Variants in NTRK3 observed in about 807,000 individuals in gnomAD.
The protein encoded by NTRK3 is neurotrophic receptor tyrosine kinase 3.
NTRK3 carries 24 observed loss-of-function variants against 91.7 expected under a neutral mutation model. That is an observed-to-expected ratio of 0.26 (90% CI 0.19 to 0.37). NTRK3 has a LOEUF of 0.37. Ranked by LOEUF, NTRK3 falls within the 10% of genes least tolerant of loss-of-function variation. NTRK3 has a pLI of 1.00. For missense variants in NTRK3, 880 were observed against 1,068.9 expected, an observed-to-expected ratio of 0.82 and a Z score of 2.46; for synonymous variants, 483 against 404.0, an observed-to-expected ratio of 1.20 and a Z score of -2.34.
At chr15:88,084,119 G>C (rs1446126841) in intron 13 of NTRK3, among the ~76,000 whole-genome samples, 1 of 150,856 alleles carries the variant, frequency 6.6e-6, no homozygotes, top group Non-Finnish European at 1.5e-5. Context: ...TAAAACTCTG[G>C]GGTTTTTTTC....
At chr15:88,201,223 C>A (rs1038342479) in intron 3 of NTRK3, among the ~76,000 whole-genome samples, 1 of 152,184 alleles carries the variant, frequency 6.6e-6, no homozygotes, top group African/African-American at 2.4e-5. Context: ...CTCTGGGGAC[C>A]AGCCCAGCAG....
chr15:88,148,945 C>T (rs546983192), intron 5 of NTRK3, among the ~76,000 whole-genome samples: 3 of 152,240 alleles, frequency 2.0e-5, no homozygotes, highest in African/African-American at 7.2e-5. Context: ...ATGGTGACAT[C>T]ATTGAGTAGA....
intron 17 of NTRK3, among the ~76,000 whole-genome samples, chr15:87,922,996 C>A (rs577608160): frequency 5.7e-4 from 86 of 152,134 alleles, no homozygotes; most frequent in Non-Finnish European, 1.2e-3. Context: ...GCATGGGACA[C>A]CAAGAGTTTG....
rs750131198 is a variant in NTRK3, at chr15:88,233,140, G to A, written c.248+22766C>T. On this transcript the variant is annotated intron_variant, in intron 3 of 18. Transcript: ENST00000394480. This position sits in a 1 kb window ranked among gnomAD's most constrained non-coding sequence, Gnocchi z 4.2. The stretch of plus-strand genomic sequence containing the variant: ...TAATGGGGCAGAGAGAATCTATTTC[G>A]GAGCCACCCCAGGCTATTTTCCTCT... Among the ~76,000 whole-genome samples, 11 of 152,130 alleles carry A rather than the reference G, an allele frequency of 7.2e-5. No homozygotes were observed. The highest frequency in any genetic ancestry group is 3.3e-4 in the Admixed American group (5 of 15,272).
At chr15:87,932,488 C>A (rs1269241399) in intron 16 of NTRK3, among the ~76,000 whole-genome samples, 1 of 152,154 alleles carries the variant, frequency 6.6e-6, no homozygotes, top group Non-Finnish European at 1.5e-5. Flanking sequence ...TAGAATTAGC[C>A]TGAAGAAAAT....
At chr15:87,912,931 A>AAAAAAAATAT (rs1484111389) in intron 17 of NTRK3, among the ~76,000 whole-genome samples, 1 of 36,502 alleles carries the variant, frequency 2.7e-5, no homozygotes, top group Non-Finnish European at 4.7e-5. Flanking sequence ...AGTAAAAAAA[A>AAAAAAAATAT]ATATATATAT....
intron 17 of NTRK3, among the ~76,000 whole-genome samples, chr15:87,906,795 C>T (rs1458357129): frequency 1.3e-5 from 2 of 152,142 alleles, no homozygotes; most frequent in Non-Finnish European, 2.9e-5. Context: ...ATTACTACCA[C>T]CAAGTACTTC....
intron 13 of NTRK3, among the ~76,000 whole-genome samples, chr15:88,053,626 C>T (rs531263563): frequency 1.3e-5 from 2 of 152,278 alleles, no homozygotes; most frequent in Admixed American, 1.3e-4. Flanking sequence ...TATTTGCCCT[C>T]GCTCTGCCTC....
chr15:87,916,494 C>A (rs778254221), intron 17 of NTRK3: 2 of 701,834 alleles, frequency 2.8e-6, no homozygotes, highest in Non-Finnish European at 5.2e-6. Flanking sequence ...TTCAACGTCT[C>A]AGAATTTTCT....
chr15:88,143,180 G>A (rs1006778138), intron 6 of NTRK3, among the ~76,000 whole-genome samples: 2 of 152,206 alleles, frequency 1.3e-5, no homozygotes, highest in African/African-American at 4.8e-5. Context: ...CCAAGATCAT[G>A]CCTCTGCACT....
intron 11 of NTRK3, among the ~76,000 whole-genome samples, chr15:88,128,500 T>A (rs545806474): frequency 6.6e-6 from 1 of 152,242 alleles, no homozygotes; most frequent in East Asian, 1.9e-4. Context: ...TGGGGGATAG[T>A]GAACCACAGA....
intron 14 of NTRK3, among the ~76,000 whole-genome samples, chr15:87,977,133 C>A (rs1414214397): frequency 6.6e-6 from 1 of 152,210 alleles, no homozygotes; most frequent in Non-Finnish European, 1.5e-5. Flanking sequence ...GCCTCTAATT[C>A]TTTCTCAATA....
At chr15:88,212,700 T>TCACACACACACACACA (rs60620542) in intron 3 of NTRK3, among the ~76,000 whole-genome samples, 3 of 146,226 alleles carry the variant, frequency 2.1e-5, no homozygotes, top group African/African-American at 7.8e-5. Flanking sequence ...GGCTGCTGCA[T>TCACACACACACACACA]CACACACACA....
At chr15:88,176,124 T>C (rs2045968225) in intron 5 of NTRK3, among the ~76,000 whole-genome samples, 2 of 150,542 alleles carry the variant, frequency 1.3e-5, no homozygotes, top group South Asian at 4.2e-4. Context: ...AATATTTGCC[T>C]ATATGCCCCT....
In NTRK3 at chr15:88,243,536, GCACACA is replaced by G. The variant is rs4034771; in HGVS notation, c.248+12364_248+12369del. Among the ~76,000 whole-genome samples, 622 of 145,268 alleles carry G rather than the reference GCACACA, an allele frequency of 4.3e-3. 2 individuals carry two copies. Among genetic ancestry groups the G allele is most frequent in the African/African-American group, 0.013 (485 of 38,452 alleles). On this transcript the variant is annotated intron_variant, in intron 3 of 18. Transcript: ENST00000394480. This position sits in a 1 kb window ranked among gnomAD's most constrained non-coding sequence, Gnocchi z 4.8. ...CACTTGATCCCATCCCCCATAGCAT[GCACACA>G]CACACACACACACACACACACACAC...
chr15:88,053,715 A>T (rs1481603861), intron 13 of NTRK3, among the ~76,000 whole-genome samples: 1 of 152,230 alleles, frequency 6.6e-6, no homozygotes, highest in African/African-American at 2.4e-5. Context: ...GATTTAAATG[A>T]AGAAATATGT....
chr15:88,248,243 G>C (rs1426804857), intron 3 of NTRK3, among the ~76,000 whole-genome samples: 1 of 152,168 alleles, frequency 6.6e-6, no homozygotes, highest in Non-Finnish European at 1.5e-5. Flanking sequence ...TGGGAAGAGG[G>C]TGTGGCTGAG....
rs183369847 is a variant in NTRK3, at chr15:88,142,094, A to G, written c.465-4533T>C. On this transcript the variant is annotated intron_variant, in intron 6 of 18. Coordinates refer to ENST00000394480, the Ensembl canonical transcript of NTRK3. ...ACTGAGCAAATCCACAATCGTCTTT[A>G]TATCCGGACAAGAGAGGATTCAAAT... is the stretch of plus-strand genomic sequence containing the variant. Among the ~76,000 whole-genome samples the G allele has an allele frequency of 1.6e-4, 25 of 152,060 alleles. No individual in the cohort carries two copies. The East Asian group carries it at 4.2e-3, about 26-fold the overall frequency.
chr15:88,231,042 T>C (rs924507314), intron 3 of NTRK3, among the ~76,000 whole-genome samples: 3 of 152,234 alleles, frequency 2.0e-5, no homozygotes, highest in African/African-American at 7.2e-5. Flanking sequence ...ATGGGTCTGC[T>C]GATTAGAGGG....
Sources: allele counts gnomAD v4.1 joint callset (sites outside exome capture counted in the v4.1 genomes callset), GRCh38; gene constraint gnomAD v4.1.1; non-coding constraint Gnocchi (gnomAD v3.1); transcripts MANE v1.5; gene names NCBI Gene and HGNC (gene_info 2026-07-23, HGNC 2026-07-21).